The following AP2B1 variants were observed in gnomAD, a reference collection of about 807,000 sequenced individuals.
The protein encoded by AP2B1 is adaptor related protein complex 2 subunit beta 1, also known as AP-2 complex subunit beta.
AP2B1 carries 23 observed loss-of-function variants against 102.0 expected under a neutral mutation model. The observed-to-expected ratio is 0.23, with a 90% CI of 0.16 to 0.32. The LOEUF (loss-of-function observed/expected upper bound fraction) is 0.32. Ranked by LOEUF, AP2B1 falls within the 10% of genes least tolerant of loss-of-function variation. The probability of loss-of-function intolerance (pLI) is 1.00; values close to 1 mark genes in which losing one functional copy is unlikely to be tolerated. For synonymous variants in AP2B1, 381 were observed against 421.2 expected (o/e 0.90, Z 1.17); for missense variants, 541 against 1,157.4 (o/e 0.47, Z 7.73).
chr17:35,717,938 A>G (rs2085226936), intron 21 of AP2B1, among the ~76,000 whole-genome samples: 1 of 152,262 alleles, frequency 6.6e-6, no homozygotes, highest in East Asian at 1.9e-4. Context: ...AGGCAGAAGC[A>G]GTTGCTTTGT....
At position 35,723,757 on chromosome 17, in the gene AP2B1, A is replaced by C; in HGVS notation, c.*58A>C. ...TGATCGGTGCAAGTCAAGAACTCTTAACTGGAAGAAATTGTATTGCTGCGT... is the reference window on the plus strand; with the variant it reads ...TGATCGGTGCAAGTCAAGAACTCTTCACTGGAAGAAATTGTATTGCTGCGT... On this transcript the variant is annotated 3_prime_UTR_variant, in exon 22 of 22. Coordinates refer to ENST00000610402, the MANE Select transcript of AP2B1 (RefSeq NM_001030006.2). The C allele has an allele frequency of 7.9e-7, 1 of 1,259,462 alleles. No individual in the cohort carries two copies. The highest frequency in any genetic ancestry group is 1.5e-5 in the African/African-American group (1 of 67,804). 78.0% of individuals were successfully genotyped at this position (1,259,462 alleles called of 1,614,324 possible).
chr17:35,589,955 T>C (rs1320733544), intron 1 of AP2B1, among the ~76,000 whole-genome samples: 2 of 145,750 alleles, frequency 1.4e-5, no homozygotes, highest in African/African-American at 5.1e-5. Flanking sequence ...AGACGGAGTC[T>C]CACTCTTTCG....
intron 12 of AP2B1, among the ~76,000 whole-genome samples, chr17:35,644,560 T>C (rs2142765133): frequency 6.6e-6 from 1 of 151,742 alleles, no homozygotes; most frequent in Non-Finnish European, 1.5e-5. Context: ...TTTTTTTTTT[T>C]TTCCAGTAGA....
chr17:35,655,392 AT>A (rs1007350602), intron 13 of AP2B1, among the ~76,000 whole-genome samples: 1 of 152,100 alleles, frequency 6.6e-6, no homozygotes, highest in Non-Finnish European at 1.5e-5. Flanking sequence ...CTATAGATTC[AT>A]TTTGTCTGTT....
chr17:35,717,230 T>G lies in AP2B1; in HGVS notation c.2662T>G (p.Tyr888Asp). ...CAGCAAGTTGCAAAACAACAATGTT[T>G]ATACTATTGCCAAGAGGAATGTGGA... ...VSSKLQNNNVYTIAKRNVEGQ... is the reference protein window; with the variant it reads ...VSSKLQNNNVDTIAKRNVEGQ... Residue 888 changes from tyrosine (Y) to aspartate (D), a missense_variant, in exon 21 of 22, where the codon TAT becomes GAT. By Grantham distance (160) the Tyr-to-Asp change is radical (BLOSUM62 -3). Around this residue, in one of 10 missense-constraint regions of AP2B1, gnomAD observed 117 missense variants for 206.7 expected, o/e 0.57. Transcript: ENST00000610402. The G allele has an allele frequency of 6.2e-7, 1 of 1,614,124 alleles. No individual in the cohort carries two copies. The highest frequency in any genetic ancestry group is 8.5e-7 in the Non-Finnish European group (1 of 1,179,970).
intron 5 of AP2B1, among the ~76,000 whole-genome samples, chr17:35,613,684 T>G (rs1007883130): frequency 1.3e-5 from 2 of 152,196 alleles, no homozygotes; most frequent in South Asian, 4.1e-4. Flanking sequence ...TGTAAAGTGC[T>G]TGGCTTATGG....
intron 8 of AP2B1, 61 bp downstream of exon 8, chr17:35,627,566 G>A: frequency 1.2e-6 from 2 of 1,612,934 alleles, no homozygotes; most frequent in East Asian, 2.2e-5. Flanking sequence ...GGCCTTTAAA[G>A]AAGCTAGGCT....
chr17:35,635,992 G>A (rs909221827), intron 9 of AP2B1, among the ~76,000 whole-genome samples: 2 of 105,488 alleles, frequency 1.9e-5, no homozygotes. Context: ...CCTAGCCTTG[G>A]TAGTATTTTT....
At chr17:35,674,120 G>A (rs8077826) in intron 16 of AP2B1, 56 bp from the exon 17 acceptor site, 1,269,580 of 1,519,586 alleles carry the variant, frequency 0.84, 532,281 homozygotes, top group African/African-American at 0.97. Context: ...GTTAAAAAAT[G>A]CATAGCATCA....
At chr17:35,707,152 G>GTTGTTGTT (rs1251229321) in intron 18 of AP2B1, among the ~76,000 whole-genome samples, 1 of 151,804 alleles carries the variant, frequency 6.6e-6, no homozygotes, top group African/African-American at 2.4e-5. Context: ...TGTTGTTGTT[G>GTTGTTGTT]TTGTTTTGTT....
intron 1 of AP2B1, among the ~76,000 whole-genome samples, chr17:35,590,288 C>T (rs2073053029): frequency 1.3e-5 from 2 of 152,052 alleles, no homozygotes; most frequent in South Asian, 4.1e-4. Context: ...CCATATCTAG[C>T]ATGTGATTAA....
Position 35,598,433 on chromosome 17 carries a change from C to G in AP2B1, c.143+98C>G, listed in dbSNP as rs942786304. 8 of 684,610 alleles carry G rather than the reference C, an allele frequency of 1.2e-5. No individual in the cohort carries two copies. In the African/African-American group the frequency reaches 1.4e-4, roughly 12 times the overall value. 42.4% of individuals were successfully genotyped at this position (684,610 alleles called of 1,614,324 possible). A position where few individuals can be genotyped will look rare whatever the true frequency, so the allele number is the denominator to read the frequency against. ...CTTTAAAAGTATCATAATCATAGAA[C>G]CTCTAAGAATGGGTTTGTCCCACTA... On this transcript the variant is annotated intron_variant, in intron 3 of 21. Transcript: ENST00000610402.
intron 18 of AP2B1, among the ~76,000 whole-genome samples, chr17:35,696,256 C>G (rs1298445298): frequency 2.0e-5 from 3 of 151,976 alleles, no homozygotes; most frequent in African/African-American, 7.3e-5. Flanking sequence ...CTCCTAGTCT[C>G]CATATCGTAT....
chr17:35,652,988 T>C (rs1278539923), intron 13 of AP2B1, among the ~76,000 whole-genome samples: 1 of 152,236 alleles, frequency 6.6e-6, no homozygotes, highest in African/African-American at 2.4e-5. Context: ...CATGGCTTCC[T>C]GGACACTTTC....
At position 35,647,359 on chromosome 17, in the gene AP2B1, C is replaced by CA. The variant is rs551943747; in HGVS notation, c.1537-3170dup. On this transcript the variant is annotated intron_variant, in intron 12 of 21. Transcript: ENST00000610402. ...GAGGTTTCAGGCTGCTATTTATAAA[C>CA]ACTTAGGAGCAAATTAGTCCCTCAG... Among the ~76,000 whole-genome samples, 349 of 152,210 alleles carry CA rather than the reference C, an allele frequency of 2.3e-3. 7 individuals are homozygous for CA. The Middle Eastern group carries it at 0.027, about 12-fold the overall frequency.
At chr17:35,601,933 A>G (rs1194436449) in intron 3 of AP2B1, among the ~76,000 whole-genome samples, 2 of 152,050 alleles carry the variant, frequency 1.3e-5, no homozygotes, top group African/African-American at 2.4e-5. Flanking sequence ...ATGTGCCACC[A>G]CGCCCGGCTA....
intron 7 of AP2B1, among the ~76,000 whole-genome samples, chr17:35,627,118 G>A (rs1199382450): frequency 6.6e-6 from 1 of 152,050 alleles, no homozygotes; most frequent in Non-Finnish European, 1.5e-5. Flanking sequence ...GGTTCAGGCT[G>A]TAGTTTAGAG....
intron 20 of AP2B1, among the ~76,000 whole-genome samples, chr17:35,711,717 C>T (rs752872118): frequency 1.3e-5 from 2 of 152,140 alleles, no homozygotes; most frequent in Non-Finnish European, 2.9e-5. Flanking sequence ...GTGATCCGCC[C>T]GCCTCGGCCT....
At chr17:35,662,375 A>G (rs1340485956) in intron 14 of AP2B1, among the ~76,000 whole-genome samples, 1 of 152,078 alleles carries the variant, frequency 6.6e-6, no homozygotes, top group Non-Finnish European at 1.5e-5. Flanking sequence ...TTTGATGTGG[A>G]GTAAATTCAA....
Sources: gnomAD v4.1 joint callset for allele counts (sites outside exome capture counted in the v4.1 genomes callset) on GRCh38, gnomAD v4.1.1 for gene constraint, gnomAD v4.1.1 regional missense constraint, MANE v1.5 for transcripts, NCBI Gene and HGNC (gene_info 2026-07-23, HGNC 2026-07-21) for gene names.